Variants in ESRRG observed in about 807,000 individuals in gnomAD.
ESRRG encodes estrogen-related receptor gamma.
Under a neutral mutation model 44.0 loss-of-function variants are expected in ESRRG, and 13 were observed. The ratio of observed to expected loss-of-function variants is 0.30; its 90% CI spans 0.19 to 0.47. The LOEUF (loss-of-function observed/expected upper bound fraction) is 0.47, where lower values mean the gene tolerates loss of function less well. Ranked by LOEUF, ESRRG falls within the 20% of genes least tolerant of loss-of-function variation. The pLI is 1.00. For missense variants in ESRRG, 395 were observed against 580.6 expected (o/e 0.68, Z 3.29); for synonymous variants, 215 against 214.6 (o/e 1.00, Z -0.02).
chr1:216,675,543 T>G (rs2075958502), intron 2 of ESRRG, among the ~76,000 whole-genome samples: 1 of 152,212 alleles, frequency 6.6e-6, no homozygotes, highest in Non-Finnish European at 1.5e-5. Flanking sequence ...GTTTCAGTTC[T>G]GTCCAGCAAG....
intron 2 of ESRRG, among the ~76,000 whole-genome samples, chr1:216,750,683 T>C (rs982787705): frequency 6.6e-6 from 1 of 151,994 alleles, no homozygotes; most frequent in Non-Finnish European, 1.5e-5. Context: ...CACAAATTAA[T>C]ACATTGATAG....
chr1:216,966,672 G>T (rs2070451568), intron 1 of ESRRG, among the ~76,000 whole-genome samples: 2 of 151,920 alleles, frequency 1.3e-5, no homozygotes, highest in African/African-American at 4.8e-5. Flanking sequence ...TCTTATCCTA[G>T]CATCGTTCTG....
chr1:216,727,481 C>T (rs1234719002), upstream of ESRRG, among the ~76,000 whole-genome samples: 6 of 152,062 alleles, frequency 3.9e-5, no homozygotes. Context: ...TCCCTCATTT[C>T]CTCATCTGAA....
chr1:216,986,520 G>C (rs1460148803), intron 1 of ESRRG, among the ~76,000 whole-genome samples: 1 of 151,990 alleles, frequency 6.6e-6, no homozygotes, highest in African/African-American at 2.4e-5. Context: ...CAACCAGCCT[G>C]AGAAACATAG....
In ESRRG at chr1:216,663,421, TA is replaced by T. The variant is rs145918053; in HGVS notation, c.473-12333del. Reference sequence around the variant, plus strand: ...TTGGGATATGTATTCAGATTCATTCTAAAGGTAAATTCATATTTTCAGCTCT... The same window carrying T: ...TTGGGATATGTATTCAGATTCATTCTAAGGTAAATTCATATTTTCAGCTCT... On this transcript the variant is annotated intron_variant, in intron 2 of 6. Transcript: ENST00000408911. Among the ~76,000 whole-genome samples, 926 of 152,286 alleles carry T rather than the reference TA, an allele frequency of 6.1e-3. 7 individuals carry two copies. The highest frequency in any genetic ancestry group is 0.02 in the African/African-American group (840 of 41,574).
chr1:216,842,337 G>T (rs949779791), intron 2 of ESRRG, among the ~76,000 whole-genome samples: 8 of 152,136 alleles, frequency 5.3e-5, no homozygotes, highest in Non-Finnish European at 8.8e-5. Flanking sequence ...GTCCGATGCA[G>T]GTCCGTAGGG....
At chr1:217,057,264 A>G (rs1419905570) in intron 1 of ESRRG, among the ~76,000 whole-genome samples, 1 of 152,188 alleles carries the variant, frequency 6.6e-6, no homozygotes, top group South Asian at 2.1e-4. Flanking sequence ...CACACATGAA[A>G]AGGAAGTTCT....
chr1:216,705,704 T>G (rs1356081483), intron 1 of ESRRG, among the ~76,000 whole-genome samples: 1 of 152,206 alleles, frequency 6.6e-6, no homozygotes, highest in Non-Finnish European at 1.5e-5. Flanking sequence ...GCAGGTTCTT[T>G]CAGATCCTTC....
intron 3 of ESRRG, among the ~76,000 whole-genome samples, chr1:216,633,167 C>T (rs904943748): frequency 1.3e-5 from 2 of 152,222 alleles, no homozygotes; most frequent in African/African-American, 4.8e-5. Context: ...CAATCTCCTG[C>T]TCACACCACC....
At chr1:216,814,044 C>T (rs1431528383) in intron 2 of ESRRG, among the ~76,000 whole-genome samples, 1 of 152,106 alleles carries the variant, frequency 6.6e-6, no homozygotes, top group African/African-American at 2.4e-5. Flanking sequence ...GCTCCTCAAC[C>T]CAATTATTTC....
At chr1:216,688,337 C>T (rs2078410850) in intron 1 of ESRRG, among the ~76,000 whole-genome samples, 2 of 152,140 alleles carry the variant, frequency 1.3e-5, no homozygotes, top group Non-Finnish European at 2.9e-5. Context: ...ATCAAGTGCA[C>T]GAACGAGAGA....
chr1:216,722,596 G>GT (rs200465569), intron 1 of ESRRG, among the ~76,000 whole-genome samples: 3,411 of 151,880 alleles, frequency 0.022, 122 homozygotes, highest in African/African-American at 0.077. Flanking sequence ...TTCTTCTTTA[G>GT]TTTTTTTTCC....
chr1:216,696,575 A>ACTT (rs1026064549), intron 1 of ESRRG, among the ~76,000 whole-genome samples: 4 of 152,198 alleles, frequency 2.6e-5, no homozygotes, highest in African/African-American at 9.6e-5. Flanking sequence ...TTACAGAGCA[A>ACTT]CTTAAAAAAT....
intron 2 of ESRRG, among the ~76,000 whole-genome samples, chr1:216,840,721 T>C (rs376859459): frequency 3.3e-5 from 5 of 152,248 alleles, no homozygotes; most frequent in Admixed American, 2.6e-4. Context: ...TGATAGGTTG[T>C]GTCTGGGGGA....
At chr1:216,994,335 A>G (rs2076096089) in intron 1 of ESRRG, among the ~76,000 whole-genome samples, 3 of 152,208 alleles carry the variant, frequency 2.0e-5, no homozygotes, top group South Asian at 2.1e-4. Flanking sequence ...CATTTTACAA[A>G]TACCAACCAT....
At chr1:216,717,711 T>C (rs2085209893) in intron 1 of ESRRG, among the ~76,000 whole-genome samples, 1 of 151,808 alleles carries the variant, frequency 6.6e-6, no homozygotes, top group Non-Finnish European at 1.5e-5. Flanking sequence ...ACTTACCTCT[T>C]AGAATAAAAT....
intron 3 of ESRRG, among the ~76,000 whole-genome samples, chr1:216,596,930 G>T (rs1404813377): frequency 1.3e-5 from 2 of 151,548 alleles, no homozygotes; most frequent in Non-Finnish European, 2.9e-5. Context: ...AATATATATT[G>T]GGTTTTTTTG....
chr1:216,560,289 G>A (rs1479480219), intron 5 of ESRRG, among the ~76,000 whole-genome samples: 1 of 152,008 alleles, frequency 6.6e-6, no homozygotes, highest in Non-Finnish European at 1.5e-5. Context: ...CCAAACTTGA[G>A]CAAAGTCCTC....
chr1:216,919,115 C>T (rs1246383275), intron 2 of ESRRG, among the ~76,000 whole-genome samples: 2 of 151,984 alleles, frequency 1.3e-5, no homozygotes, highest in East Asian at 3.9e-4. Flanking sequence ...GTTTCCATTT[C>T]AGAGTAAAAG....
Sources: allele counts gnomAD v4.1 joint callset (sites outside exome capture counted in the v4.1 genomes callset), GRCh38; gene constraint gnomAD v4.1.1; transcripts MANE v1.5; gene names NCBI Gene and HGNC (gene_info 2026-07-23, HGNC 2026-07-21).